Variants in DHX35 observed in about 807,000 individuals in gnomAD.
DHX35 encodes DEAH-box helicase 35, also known as probable ATP-dependent RNA helicase DHX35.
DHX35 carries 84 observed loss-of-function variants against 99.6 expected under a neutral mutation model. That is an observed-to-expected ratio of 0.84 (90% confidence interval 0.71 to 1.01). The LOEUF is 1.01. DHX35 is among the 50% of genes least tolerant of loss of function. DHX35 has a pLI of 0.00. For synonymous variants in DHX35, 331 were observed against 316.2 expected (o/e 1.05, Z -0.50); for missense variants, 852 against 888.5 (o/e 0.96, Z 0.52).
chr20:38,999,382 T>C (rs1404057214), intron 8 of DHX35, among the ~76,000 whole-genome samples: 1 of 152,086 alleles, frequency 6.6e-6, no homozygotes, highest in Non-Finnish European at 1.5e-5. Flanking sequence ...ACCCCTGTGG[T>C]CCCTGGTTCA....
intron 3 of DHX35, among the ~76,000 whole-genome samples, chr20:38,981,440 G>T (rs1436776367): frequency 6.6e-6 from 1 of 152,034 alleles, no homozygotes; most frequent in African/African-American, 2.4e-5. Flanking sequence ...ATGTGTTAAA[G>T]CCCAATACTG....
Position 39,006,205 on chromosome 20 carries a change from G to A in DHX35, c.1071G>A (p.Val357=). ...TCACAATCAGCGGCATTGTGTATGT[G>A]ATCGACTGTGGCTTTGTGAAACTCC... ...TSITISGIVY[V]IDCGFVKLRA... is the part of the protein sequence containing the mutation. The change falls in exon 12 of 22, where the codon GTG becomes GTA. Residue 357 remains valine, a synonymous_variant. Transcript: ENST00000252011. 6.2e-7 allele frequency: 1 copy of A among 1,614,190 alleles called. No homozygotes were observed. Among genetic ancestry groups the A allele is most frequent in the Non-Finnish European group, 8.5e-7 (1 of 1,180,026 alleles).
intron 21 of DHX35, among the ~76,000 whole-genome samples, chr20:39,037,575 C>T (rs1184304501): frequency 6.6e-6 from 1 of 152,166 alleles, no homozygotes; most frequent in Non-Finnish European, 1.5e-5. Context: ...TGTTGTGGGG[C>T]CATGTGGCTG....
intron 14 of DHX35, among the ~76,000 whole-genome samples, chr20:39,015,386 C>T (rs982527263): frequency 3.3e-5 from 5 of 152,170 alleles, no homozygotes; most frequent in East Asian, 1.9e-4. Context: ...CACCATGTTA[C>T]GGGGGAACTT....
intron 3 of DHX35, among the ~76,000 whole-genome samples, chr20:38,976,214 C>G (rs1295544936): frequency 6.6e-6 from 1 of 152,024 alleles, no homozygotes; most frequent in Non-Finnish European, 1.5e-5. Context: ...TCAAAAGGCA[C>G]AAAGGGACAT....
intron 3 of DHX35, chr20:38,978,073 A>G: frequency 1.3e-6 from 1 of 757,128 alleles, no homozygotes; most frequent in East Asian, 2.5e-5. Context: ...CTCTACAGCT[A>G]CTAAGTGCTG....
At chr20:38,986,345 T>C (rs907976361) in intron 4 of DHX35, among the ~76,000 whole-genome samples, 4 of 152,192 alleles carry the variant, frequency 2.6e-5, no homozygotes, top group Admixed American at 1.3e-4. Flanking sequence ...CTTGTGTGAT[T>C]ATAAATAATA....
chr20:39,003,273 A>G (rs2086554299), intron 10 of DHX35, among the ~76,000 whole-genome samples: 1 of 152,150 alleles, frequency 6.6e-6, no homozygotes, highest in African/African-American at 2.4e-5. Context: ...TGGTAAAACA[A>G]CTGAACAGAC....
intron 1 of DHX35, among the ~76,000 whole-genome samples, chr20:38,968,832 G>T (rs527786428): frequency 2.6e-5 from 4 of 152,306 alleles, no homozygotes; most frequent in Non-Finnish European, 2.9e-5. Context: ...GATTACAGGC[G>T]TGAGCCACTG....
chr20:38,993,994 C>T (rs912342100), intron 7 of DHX35, among the ~76,000 whole-genome samples: 1 of 152,114 alleles, frequency 6.6e-6, no homozygotes, highest in African/African-American at 2.4e-5. Context: ...TGCTGAAGCC[C>T]CTAGCCCCCT....
At chr20:38,995,858 A>G (rs959574874) in intron 8 of DHX35, among the ~76,000 whole-genome samples, 2 of 152,182 alleles carry the variant, frequency 1.3e-5, no homozygotes, top group Admixed American at 6.5e-5. Flanking sequence ...GGCACCCTAA[A>G]TATAAGTGAA....
chr20:39,010,916 T>A (rs1226578633), intron 13 of DHX35, among the ~76,000 whole-genome samples: 1 of 152,200 alleles, frequency 6.6e-6, no homozygotes, highest in Non-Finnish European at 1.5e-5. Context: ...TTGTCCTGTT[T>A]AGGGTCCTGT....
Position 39,014,888 on chromosome 20 carries a change from A to C in DHX35, c.1356A>C (p.Pro452=). The change falls in exon 14 of 22, where the codon CCA becomes CCC. Residue 452 remains proline, a synonymous_variant. Transcript: ENST00000252011. ...VLRFHFMSPP[P]AQSMVQALEL... ...TTTTATGTTTTTTCCAGCCCCCTCCAGCACAGTCGATGGTTCAAGCCTTGG... is the reference window on the plus strand; with the variant it reads ...TTTTATGTTTTTTCCAGCCCCCTCCCGCACAGTCGATGGTTCAAGCCTTGG... The C allele has an allele frequency of 6.2e-7, 1 of 1,614,198 alleles. No homozygotes were observed. Among genetic ancestry groups the C allele is most frequent in the Non-Finnish European group, 8.5e-7 (1 of 1,180,022 alleles).
chr20:38,979,222 A>G (rs2086132076), intron 3 of DHX35, among the ~76,000 whole-genome samples: 1 of 151,920 alleles, frequency 6.6e-6, no homozygotes, highest in Non-Finnish European at 1.5e-5. Context: ...TCCCCAATTG[A>G]TAGACATTTA....
In DHX35 at chr20:38,969,026, A is replaced by G. The variant is rs2085952688; in HGVS notation, c.41-55A>G. The stretch of plus-strand genomic sequence containing the variant: ...ATCTTTGAAAGTTTATAAACTTAAC[A>G]CCTTTTTCTGTTCATTGTATCAGAG... On this transcript the variant is annotated intron_variant, in intron 1 of 21. Transcript: ENST00000252011. The G allele has an allele frequency of 2.0e-6, 3 of 1,519,708 alleles. No individual in the cohort carries two copies. In the Admixed American group the frequency reaches 6.4e-5, roughly 33 times the overall value. The allele number at this position is 1,519,708 out of a possible 1,614,324, so 94.1% of individuals were successfully genotyped here. A position where few individuals can be genotyped will look rare whatever the true frequency, so the allele number is the denominator to read the frequency against.
At chr20:39,002,986 A>G in intron 10 of DHX35, 118 bp downstream of exon 10, 2 of 894,594 alleles carry the variant, frequency 2.2e-6, no homozygotes, top group Non-Finnish European at 3.4e-6. Flanking sequence ...TTGTGGTTCC[A>G]TAATTGTGTA....
chr20:39,021,991 C>T (rs1023664442), intron 16 of DHX35, 56 bp downstream of exon 16: 23 of 1,562,836 alleles, frequency 1.5e-5, no homozygotes, highest in East Asian at 1.3e-4. Context: ...TTTGAGCTTT[C>T]GTTGTCAAAA....
intron 2 of DHX35, among the ~76,000 whole-genome samples, chr20:38,970,672 T>G (rs565103581): frequency 6.6e-6 from 1 of 152,200 alleles, no homozygotes; most frequent in Non-Finnish European, 1.5e-5. Context: ...AGGACTGTTA[T>G]GAGGACCAGA....
At chr20:39,007,128 C>T (rs2086631386) in intron 12 of DHX35, among the ~76,000 whole-genome samples, 1 of 152,196 alleles carries the variant, frequency 6.6e-6, no homozygotes. Context: ...TGTTTTGTTT[C>T]TTCTGGTGTG....
Sources: gnomAD v4.1 joint callset for allele counts (sites outside exome capture counted in the v4.1 genomes callset) on GRCh38, gnomAD v4.1.1 for gene constraint, MANE v1.5 for transcripts, NCBI Gene and HGNC (gene_info 2026-07-23, HGNC 2026-07-21) for gene names.